The following ZNF483 variants were observed in gnomAD, a reference collection of about 807,000 sequenced individuals.
ZNF483 encodes the protein zinc finger protein HIT-10.
Under a neutral mutation model 28.6 loss-of-function variants are expected in ZNF483, and 9 were observed. The observed-to-expected ratio is 0.32, with a 90% CI of 0.19 to 0.55. The LOEUF (loss-of-function observed/expected upper bound fraction) is 0.55. Among genes scored for constraint, ZNF483 ranks in the 20% least tolerant of loss-of-function variants. ZNF483 has a pLI of 0.93. For synonymous variants in ZNF483, 322 were observed against 306.2 expected, an observed-to-expected ratio of 1.05 and a Z score of -0.54; for missense variants, 675 against 871.7, an observed-to-expected ratio of 0.77 and a Z score of 2.84.
At chr9:111,525,693 G>C (rs1157845080) in intron 1 of ZNF483, among the ~76,000 whole-genome samples, 4 of 152,074 alleles carry the variant, frequency 2.6e-5, no homozygotes, top group Non-Finnish European at 4.4e-5. Context: ...GAGATCCTCT[G>C]GCTGCGTCAC....
rs1827884284 is a variant in ZNF483, at chr9:111,549,749, C to T, written c.*6579C>T. 1 of 1,550,394 alleles carries T rather than the reference C, an allele frequency of 6.4e-7. No homozygotes were observed. On this transcript the variant is annotated 3_prime_UTR_variant, in exon 6 of 6. Transcript: ENST00000309235. ...AGGTAATGGTGAATGATACATATTCCCTTCATTTTTCTGCTTTGAAGCTTC... is the reference window on the plus strand; with the variant it reads ...AGGTAATGGTGAATGATACATATTCTCTTCATTTTTCTGCTTTGAAGCTTC...
Position 111,543,614 on chromosome 9 carries a change from A to G in ZNF483, c.*444A>G, listed in dbSNP as rs2132260811. 1 of 986,644 alleles carries G rather than the reference A, an allele frequency of 1.0e-6. No individual in the cohort carries two copies. The allele number at this position is 986,644 out of a possible 1,614,324, so 61.1% of individuals were successfully genotyped here. A position where few individuals can be genotyped will look rare whatever the true frequency, so the allele number is the denominator to read the frequency against. On this transcript the variant is annotated 3_prime_UTR_variant, in exon 6 of 6. Transcript: ENST00000309235. ...GCAGAATGAAGGGATGGGATTAATG[A>G]TTTTTGCCTTTTTTGGTTTTTTAGT... is the stretch of plus-strand genomic sequence containing the variant.
intron 5 of ZNF483, among the ~76,000 whole-genome samples, chr9:111,573,220 TCAGTTGGC>T (rs1444638580): frequency 6.6e-6 from 1 of 152,198 alleles, no homozygotes; most frequent in Non-Finnish European, 1.5e-5. Flanking sequence ...GCAGCTTTGC[TCAGTTGGC>T]AGGCAGACAA....
At chr9:111,562,906 G>GT (rs2132314463) in intron 5 of ZNF483, 3 of 1,318,274 alleles carry the variant, frequency 2.3e-6, no homozygotes, top group East Asian at 5.5e-5. Flanking sequence ...AGAAGAAGCT[G>GT]TAGTGAACAG....
chr9:111,556,900 C>T (rs908269325), downstream of ZNF483, among the ~76,000 whole-genome samples: 9 of 152,154 alleles, frequency 5.9e-5, no homozygotes, highest in South Asian at 1.2e-3. Context: ...TATACCTTCA[C>T]CTGTGATAGC....
Position 111,553,930 on chromosome 9 carries a change from T to C in ZNF483, c.*10760T>C, listed in dbSNP as rs1828043868. On this transcript the variant is annotated 3_prime_UTR_variant, in exon 6 of 6. Coordinates refer to ENST00000309235, the MANE Select transcript of ZNF483 (RefSeq NM_133464.5). ...TCCAGCATTTTGTTGCTTTCCCATATTTTGTAGTCATGCTGTGTGGAGCAC... is the reference window on the plus strand; with the variant it reads ...TCCAGCATTTTGTTGCTTTCCCATACTTTGTAGTCATGCTGTGTGGAGCAC... 6.6e-6 allele frequency among the ~76,000 whole-genome samples: 1 copy of C among 152,184 alleles called. No homozygotes were observed. The highest frequency in any genetic ancestry group is 2.1e-4 in the South Asian group (1 of 4,826).
intron 5 of ZNF483, among the ~76,000 whole-genome samples, chr9:111,539,946 G>A (rs528421039): frequency 9.2e-5 from 14 of 152,036 alleles, no homozygotes; most frequent in East Asian, 3.9e-4. Context: ...CCTGATCCGC[G>A]CAGGGAGACC....
intron 1 of ZNF483, among the ~76,000 whole-genome samples, 168 bp from the exon 2 acceptor site, chr9:111,527,100 C>T (rs1446077241): frequency 6.7e-6 from 1 of 149,964 alleles, no homozygotes; most frequent in Non-Finnish European, 1.5e-5. Flanking sequence ...GAAACTCCGT[C>T]TCAAAAAAAA....
chr9:111,536,610 A>G (rs1002004644), intron 5 of ZNF483, among the ~76,000 whole-genome samples: 3 of 152,186 alleles, frequency 2.0e-5, no homozygotes, highest in Non-Finnish European at 4.4e-5. Flanking sequence ...ATCTTGCTCT[A>G]TTCCATCTTC....
chr9:111,530,845 C>T (rs753470576), intron 2 of ZNF483, 30 bp from the exon 3 acceptor site: 21 of 934,650 alleles, frequency 2.2e-5, no homozygotes, highest in Non-Finnish European at 2.5e-5. Flanking sequence ...TCTGTATGAA[C>T]GACTGGACTG....
In ZNF483 at chr9:111,549,627, G is replaced by GGGCAGCGGTCGTGGTGGTGGT; in HGVS notation, c.*6466_*6486dup. ...GCTAAACCTACCTGTAGCTCTTCTG[G>GGGCAGCGGTCGTGGTGGTGGT]GGCAGCGGTCGTGGTGGTGGTGGCA... On this transcript the variant is annotated 3_prime_UTR_variant, in exon 6 of 6. Coordinates refer to ENST00000309235, the MANE Select transcript of ZNF483 (RefSeq NM_133464.5). The GGGCAGCGGTCGTGGTGGTGGT allele has an allele frequency of 9.5e-7, 1 of 1,055,510 alleles. No homozygotes were observed. The highest frequency in any genetic ancestry group is 2.5e-5 in the Admixed American group (1 of 39,392). 65.4% of individuals were successfully genotyped at this position (1,055,510 alleles called of 1,614,324 possible).
chr9:111,573,585 G>A (rs1299328273), intron 5 of ZNF483, among the ~76,000 whole-genome samples: 2 of 152,002 alleles, frequency 1.3e-5, no homozygotes, highest in Non-Finnish European at 2.9e-5. Context: ...CCTTTTTTGG[G>A]GGGGGACCAT....
intron 3 of ZNF483, 32 bp downstream of exon 3, chr9:111,530,995 G>T: frequency 2.6e-6 from 3 of 1,137,978 alleles, no homozygotes; most frequent in Non-Finnish European, 3.7e-6. Context: ...TTATTCCTAA[G>T]TGAATACTTA....
Position 111,548,817 on chromosome 9 carries a change from GTT to G in ZNF483, c.*5659_*5660del, listed in dbSNP as rs11323976. Among the ~76,000 whole-genome samples the G allele has an allele frequency of 0.16, 23,523 of 148,074 alleles. 2,407 individuals are homozygous for G. The highest frequency in any genetic ancestry group is 0.28 in the African/African-American group (11,537 of 40,522). On this transcript the variant is annotated 3_prime_UTR_variant, in exon 6 of 6. Coordinates refer to ENST00000309235, the MANE Select transcript of ZNF483 (RefSeq NM_133464.5). ...CTGTATATAGAATTCTCAGTTGACA[GTT>G]TTTTTTTTTTTCTTTCTGCATTAAG...
chr9:111,557,062 T>C (rs1474377840), downstream of ZNF483, among the ~76,000 whole-genome samples: 1 of 152,206 alleles, frequency 6.6e-6, no homozygotes, highest in African/African-American at 2.4e-5. Context: ...ATCTCTGAAA[T>C]GCCCTGGAAG....
At position 111,550,869 on chromosome 9, in the gene ZNF483, G is replaced by A. The variant is rs1241523733; in HGVS notation, c.*7699G>A. Among the ~76,000 whole-genome samples, 1 of 152,064 alleles carries A rather than the reference G, an allele frequency of 6.6e-6. No homozygotes were observed. The highest frequency in any genetic ancestry group is 2.4e-5 in the African/African-American group (1 of 41,382). ...AGCATGTTAATTATAGTGTCTTTCT[G>A]TGTTATTCTGCTCCCTGCATTATCC... On this transcript the variant is annotated 3_prime_UTR_variant, in exon 6 of 6. Coordinates refer to ENST00000309235, the MANE Select transcript of ZNF483 (RefSeq NM_133464.5).
At chr9:111,529,326 AAAAG>A (rs1827262662) in intron 2 of ZNF483, among the ~76,000 whole-genome samples, 1 of 152,234 alleles carries the variant, frequency 6.6e-6, no homozygotes, top group Admixed American at 6.5e-5. Context: ...TCTTAATTGA[AAAAG>A]AGCTGTTGAC....
downstream of ZNF483, among the ~76,000 whole-genome samples, chr9:111,557,109 C>T (rs866741300): frequency 6.6e-6 from 1 of 152,200 alleles, no homozygotes; most frequent in African/African-American, 2.4e-5. Context: ...ACATTCAGCT[C>T]CTCATGCAGC....
chr9:111,566,182 G>A (rs537741350), intron 5 of ZNF483, among the ~76,000 whole-genome samples: 3 of 152,214 alleles, frequency 2.0e-5, no homozygotes, highest in African/African-American at 7.2e-5. Flanking sequence ...CAGCCTGGAC[G>A]ACAGAGTGAG....
Sources: gnomAD v4.1 joint callset for allele counts (sites outside exome capture counted in the v4.1 genomes callset) on GRCh38, gnomAD v4.1.1 for gene constraint, MANE v1.5 for transcripts, NCBI Gene and HGNC (gene_info 2026-07-23, HGNC 2026-07-21) for gene names.